Variants in TTC29 observed in about 807,000 individuals in gnomAD.
TTC29 encodes tetratricopeptide repeat protein 29.
TTC29 carries 49 observed loss-of-function variants against 58.1 expected under a neutral mutation model. That is an observed-to-expected ratio of 0.84 (90% CI 0.67 to 1.07). The LOEUF is 1.07. Ranked by LOEUF, TTC29 falls within the 50% of genes least tolerant of loss-of-function variation. The pLI is 0.00. For missense variants in TTC29, 582 were observed against 555.6 expected, an observed-to-expected ratio of 1.05 and a Z score of -0.48; for synonymous variants, 209 against 196.8, an observed-to-expected ratio of 1.06 and a Z score of -0.52.
chr4:146,902,556 C>T (rs895115552), intron 6 of TTC29, among the ~76,000 whole-genome samples: 1 of 152,180 alleles, frequency 6.6e-6, no homozygotes, highest in African/African-American at 2.4e-5. Flanking sequence ...ACACTGTTCC[C>T]TCTTCACAGA....
chr4:146,738,433 C>G (rs1445536747), intron 11 of TTC29, among the ~76,000 whole-genome samples: 1 of 152,108 alleles, frequency 6.6e-6, no homozygotes, highest in Non-Finnish European at 1.5e-5. Flanking sequence ...AGGAAGCCTA[C>G]AAACCTGAGT....
intron 10 of TTC29, among the ~76,000 whole-genome samples, chr4:146,814,318 T>C (rs1751235157): frequency 6.6e-6 from 1 of 151,888 alleles, no homozygotes. Flanking sequence ...GGGCAGCTCA[T>C]GCCTGTAATC....
chr4:146,768,008 TA>T (rs1166671851), intron 11 of TTC29, among the ~76,000 whole-genome samples: 1 of 152,092 alleles, frequency 6.6e-6, no homozygotes, highest in African/African-American at 2.4e-5. Context: ...ATATATATTA[TA>T]GCTGCAATTC....
intron 11 of TTC29, among the ~76,000 whole-genome samples, chr4:146,756,006 G>A (rs1460114775): frequency 2.6e-5 from 4 of 152,142 alleles, no homozygotes; most frequent in African/African-American, 9.7e-5. Flanking sequence ...TGGGTGCGGT[G>A]GCTCAAGCCT....
At chr4:146,750,446 T>C (rs1561087683) in intron 11 of TTC29, among the ~76,000 whole-genome samples, 1 of 152,256 alleles carries the variant, frequency 6.6e-6, no homozygotes, top group Non-Finnish European at 1.5e-5. Flanking sequence ...ACTCCTATAC[T>C]GTAATGGTGG....
At chr4:146,908,346 T>C (rs1011201952) in intron 5 of TTC29, among the ~76,000 whole-genome samples, 2 of 152,164 alleles carry the variant, frequency 1.3e-5, no homozygotes, top group African/African-American at 4.8e-5. Context: ...AAATGACCAG[T>C]TCCTAATATG....
intron 7 of TTC29, among the ~76,000 whole-genome samples, chr4:146,870,803 ACT>A (rs1730881104): frequency 6.6e-6 from 1 of 151,948 alleles, no homozygotes; most frequent in African/African-American, 2.4e-5. Context: ...AGAAATAAAA[ACT>A]CTGAATAAAT....
chr4:146,899,932 C>T (rs1277293963), intron 6 of TTC29, among the ~76,000 whole-genome samples: 1 of 152,206 alleles, frequency 6.6e-6, no homozygotes, highest in Non-Finnish European at 1.5e-5. Context: ...GGCACAGCTG[C>T]CACCTAGCTG....
intron 8 of TTC29, among the ~76,000 whole-genome samples, chr4:146,864,101 G>A (rs988449425): frequency 1.3e-5 from 2 of 151,912 alleles, no homozygotes; most frequent in Non-Finnish European, 2.9e-5. Flanking sequence ...TTCTTTTTAA[G>A]CTCCAGACCC....
chr4:146,944,052 T>C (rs1736684688), intron 2 of TTC29: 1 of 152,238 alleles, frequency 6.6e-6, no homozygotes, highest in Admixed American at 6.5e-5. Flanking sequence ...GGAAGGGAAA[T>C]TGCTCAGGTT....
intron 8 of TTC29, among the ~76,000 whole-genome samples, chr4:146,837,446 A>G (rs1049839920): frequency 1.4e-4 from 21 of 152,082 alleles, no homozygotes; most frequent in African/African-American, 4.8e-4. Context: ...AAGCCCTGTG[A>G]CACAAGTCTA....
chr4:146,707,081 T>G lies in TTC29; in HGVS notation c.*77A>C. On this transcript the variant is annotated 3_prime_UTR_variant, in exon 13 of 13. Coordinates refer to ENST00000325106, the MANE Select transcript of TTC29 (RefSeq NM_031956.4). ...TTATAACTCTATATTATCTGTAACA[T>G]GCTCCTATTACAAGTATTGAAGTCT... 9.3e-7 allele frequency: 1 copy of G among 1,073,046 alleles called. No individual in the cohort carries two copies. The highest frequency in any genetic ancestry group is 1.8e-5 in the South Asian group (1 of 54,170). 66.5% of individuals were successfully genotyped at this position (1,073,046 alleles called of 1,614,324 possible). A position where few individuals can be genotyped will look rare whatever the true frequency, so the allele number is the denominator to read the frequency against.
chr4:146,785,819 C>G (rs1373414977), intron 11 of TTC29, among the ~76,000 whole-genome samples: 1 of 151,904 alleles, frequency 6.6e-6, no homozygotes, highest in Non-Finnish European at 1.5e-5. Context: ...ATGATGTTAA[C>G]AGTTTTGATA....
intron 6 of TTC29, among the ~76,000 whole-genome samples, chr4:146,901,864 G>C (rs1733170614): frequency 6.6e-6 from 1 of 152,116 alleles, no homozygotes; most frequent in Admixed American, 6.6e-5. Context: ...TTTCCTAGAA[G>C]AATGTAAGCT....
chr4:146,913,670 G>A (rs970452571), intron 4 of TTC29, among the ~76,000 whole-genome samples: 11 of 152,184 alleles, frequency 7.2e-5, no homozygotes, highest in South Asian at 2.1e-4. Context: ...TGCTAACTAC[G>A]TCCATTTGAG....
intron 11 of TTC29, among the ~76,000 whole-genome samples, chr4:146,800,018 A>C (rs1206931957): frequency 6.6e-6 from 1 of 152,218 alleles, no homozygotes. Flanking sequence ...CTGGAGCCAA[A>C]CAATTTCAGT....
chr4:146,814,790 A>C (rs1227666663), intron 10 of TTC29, among the ~76,000 whole-genome samples: 1 of 151,618 alleles, frequency 6.6e-6, no homozygotes, highest in Non-Finnish European at 1.5e-5. Context: ...TTCGTTGCTA[A>C]GGGGAAGGCC....
intron 9 of TTC29, among the ~76,000 whole-genome samples, chr4:146,828,601 A>T (rs1238386696): frequency 6.6e-6 from 1 of 152,116 alleles, no homozygotes; most frequent in African/African-American, 2.4e-5. Flanking sequence ...CCTGCTGAGG[A>T]TTGTTAAATC....
At position 146,757,756 on chromosome 4, in the gene TTC29, C is replaced by A. The variant is rs372466514; in HGVS notation, c.1330+45701G>T. Among the ~76,000 whole-genome samples the A allele has an allele frequency of 2.0e-5, 3 of 152,132 alleles. No individual in the cohort carries two copies. The East Asian group carries it at 5.8e-4, about 30-fold the overall frequency. ...AAGGAAAGATACAGTCTTTTTCAGA[C>A]AAACAAATGCTGAGAGAATTCATCA... On this transcript the variant is annotated intron_variant, in intron 11 of 12. Coordinates refer to ENST00000325106, the MANE Select transcript of TTC29 (RefSeq NM_031956.4).
Sources: gnomAD v4.1 joint callset for allele counts (sites outside exome capture counted in the v4.1 genomes callset) on GRCh38, gnomAD v4.1.1 for gene constraint, MANE v1.5 for transcripts, NCBI Gene and HGNC (gene_info 2026-07-23, HGNC 2026-07-21) for gene names.